The following PCDHA13 variants were observed in gnomAD, a reference collection of about 807,000 sequenced individuals.
The protein encoded by PCDHA13 is protocadherin alpha-13.
In PCDHA13, 54 loss-of-function variants were observed where a neutral mutation model predicts 64.8. That is an observed-to-expected ratio of 0.83 (90% CI 0.67 to 1.04). The LOEUF is 1.04. Among genes scored for constraint, PCDHA13 ranks in the 50% least tolerant of loss-of-function variants. The pLI is 0.00. For missense variants in PCDHA13, 1,248 were observed against 1,254.3 expected, an observed-to-expected ratio of 0.99 and a Z score of 0.08; for synonymous variants, 587 against 564.4, an observed-to-expected ratio of 1.04 and a Z score of -0.57.
At position 141,010,400 on chromosome 5, in the gene PCDHA13, T is replaced by C. The variant is rs145123720; in HGVS notation, c.*463T>C. 379 of 1,297,746 alleles carry C rather than the reference T, an allele frequency of 2.9e-4. No individual in the cohort carries two copies. Among genetic ancestry groups the C allele is most frequent in the Non-Finnish European group, 3.8e-4 (370 of 966,092 alleles). 80.4% of individuals were successfully genotyped at this position (1,297,746 alleles called of 1,614,324 possible). ...CAGATATTGGCTGAGACGAGCCAGC[T>C]TAGACTAATTGGTACAAGGAAGGCA... On this transcript the variant is annotated 3_prime_UTR_variant, in exon 4 of 4. Transcript: ENST00000289272.
At chr5:140,950,389 T>C (rs269550) in intron 1 of PCDHA13, among the ~76,000 whole-genome samples, 33,984 of 151,960 alleles carry the variant, frequency 0.22, 4,900 homozygotes, top group African/African-American at 0.41. Context: ...TTGAATGATA[T>C]AGAATTCTGG....
intron 1 of PCDHA13, among the ~76,000 whole-genome samples, chr5:140,910,128 T>C (rs2074896985): frequency 6.6e-6 from 1 of 152,238 alleles, no homozygotes; most frequent in African/African-American, 2.4e-5. Flanking sequence ...GTCTGTAAAC[T>C]GGTTTAAGTC....
chr5:140,991,981 T>C (rs2097483028), intron 3 of PCDHA13, among the ~76,000 whole-genome samples: 1 of 152,008 alleles, frequency 6.6e-6, no homozygotes, highest in South Asian at 2.1e-4. Flanking sequence ...TTATTCTGCC[T>C]ACCACCCGGT....
intron 1 of PCDHA13, among the ~76,000 whole-genome samples, chr5:140,940,131 G>A (rs1443086111): frequency 7.2e-5 from 11 of 152,092 alleles, no homozygotes; most frequent in African/African-American, 2.4e-4. Context: ...ATTTCTGCTA[G>A]TGATAAACTA....
At chr5:140,907,021 C>A (rs950958374) in intron 1 of PCDHA13, among the ~76,000 whole-genome samples, 1 of 152,168 alleles carries the variant, frequency 6.6e-6, no homozygotes, top group Non-Finnish European at 1.5e-5. Flanking sequence ...TCTAGGCCAG[C>A]AGAACATAAT....
In PCDHA13 at chr5:140,972,316, G is replaced by GT. The variant is rs112435719; in HGVS notation, c.2395-6621dup. On this transcript the variant is annotated intron_variant, in intron 1 of 3. Coordinates refer to ENST00000289272, the MANE Select transcript of PCDHA13 (RefSeq NM_018904.3). ...CACCGTGTCTGACTAGTTTTTAGGT[G>GT]TTTTTTTTTTTTGGAAGAGATGGGG... 6.7e-3 allele frequency among the ~76,000 whole-genome samples: 929 copies of GT among 139,652 alleles called. 6 individuals carry two copies. The highest frequency in any genetic ancestry group is 0.017 in the African/African-American group (645 of 38,294). The allele number at this position is 139,652 out of a possible 152,430, so 91.6% of individuals were successfully genotyped here.
chr5:141,006,177 AAG>A (rs2098258661), intron 3 of PCDHA13, among the ~76,000 whole-genome samples: 2 of 151,826 alleles, frequency 1.3e-5, no homozygotes, highest in African/African-American at 4.8e-5. Context: ...ATATTTTTAA[AAG>A]AGTTTGCTAT....
chr5:140,970,427 GGTGTTA>G (rs1442614278), intron 1 of PCDHA13, among the ~76,000 whole-genome samples: 6 of 152,192 alleles, frequency 3.9e-5, no homozygotes, highest in Admixed American at 3.3e-4. Context: ...TGTAGAGGCA[GGTGTTA>G]GTATATGCAC....
At chr5:140,954,076 C>T (rs941125208) in intron 1 of PCDHA13, among the ~76,000 whole-genome samples, 4 of 152,150 alleles carry the variant, frequency 2.6e-5, no homozygotes, top group Non-Finnish European at 2.9e-5. Context: ...AGGATAATGG[C>T]TTCCAGCTCC....
rs1256665914 is a variant in PCDHA13 at position 140,917,331 on chromosome 5, G to A, written c.2394+32669G>A. On this transcript the variant is annotated intron_variant, in intron 1 of 3. Transcript: ENST00000289272. ...AATTTGGTGTTCATGTGGCGGGGGA[G>A]GGGGGGGATGGTGTAGGCTTCTGTT... Among the ~76,000 whole-genome samples the A allele has an allele frequency of 5.8e-5, 8 of 137,654 alleles. 1 individual carries two copies. The East Asian group carries it at 6.7e-4, about 12-fold the overall frequency. 90.3% of individuals were successfully genotyped at this position (137,654 alleles called of 152,430 possible).
chr5:140,969,450 G>GTA (rs782343162), intron 1 of PCDHA13: 4 of 1,511,552 alleles, frequency 2.6e-6, no homozygotes, highest in Non-Finnish European at 3.6e-6. Flanking sequence ...GGTAAACTGA[G>GTA]TATATATAGT....
intron 3 of PCDHA13, among the ~76,000 whole-genome samples, chr5:140,995,219 GT>G (rs1554254532): frequency 6.6e-6 from 1 of 152,072 alleles, no homozygotes; most frequent in East Asian, 1.9e-4. Flanking sequence ...CAATACTCTT[GT>G]GCTTTGGGGC....
intron 1 of PCDHA13, chr5:140,926,643 G>A (rs1292255848): frequency 4.9e-5 from 22 of 452,632 alleles, no homozygotes; most frequent in African/African-American, 3.9e-4. Flanking sequence ...CTCAACACCC[G>A]GCCGGCTCCG....
chr5:140,946,631 T>TATATATATATATATATATAC lies in PCDHA13; in HGVS notation c.2395-32317_2395-32316insTATATATATATATATATACA, dbSNP rs57893927. ...TGTGAAATATATATATATATATATA[T>TATATATATATATATATATAC]ACAATGGAATACTCATCAGCCATTA... On this transcript the variant is annotated intron_variant, in intron 1 of 3. Transcript: ENST00000289272. Among the ~76,000 whole-genome samples, 543 of 131,742 alleles carry TATATATATATATATATATAC rather than the reference T, an allele frequency of 4.1e-3. 35 individuals are homozygous for TATATATATATATATATATAC. Among genetic ancestry groups the TATATATATATATATATATAC allele is most frequent in the African/African-American group, 0.018 (501 of 28,614 alleles). The allele number at this position is 131,742 out of a possible 152,430, so 86.4% of individuals were successfully genotyped here.
chr5:140,911,445 A>C (rs1327839733), intron 1 of PCDHA13, among the ~76,000 whole-genome samples: 1 of 152,184 alleles, frequency 6.6e-6, no homozygotes, highest in Non-Finnish European at 1.5e-5. Context: ...CCGCAATTTC[A>C]GCTCTTTCTC....
chr5:140,967,226 C>T, intron 1 of PCDHA13: 1 of 1,613,746 alleles, frequency 6.2e-7, no homozygotes, highest in Non-Finnish European at 8.5e-7. Flanking sequence ...GCCCAACTAC[C>T]AGCTTCAGGT....
At chr5:140,952,993 C>G (rs1273513255) in intron 1 of PCDHA13, among the ~76,000 whole-genome samples, 1 of 152,106 alleles carries the variant, frequency 6.6e-6, no homozygotes, top group Non-Finnish European at 1.5e-5. Flanking sequence ...CTCATGAGAA[C>G]TCTCTCACTA....
In PCDHA13 at chr5:140,883,463, T is replaced by C. The variant is rs1028584234; in HGVS notation, c.1195T>C (p.Ser399Pro). Residue 399 changes from serine to proline, a missense_variant, in exon 1 of 4, where the codon TCC (serine) becomes CCC (proline). Ser to Pro is a moderately conservative substitution (Grantham distance 74). Transcript: ENST00000289272. The part of the protein sequence containing the change: ...LTPHVPFKLV[S>P]TYKNYYSLVL... ...GCCGCATGTCCCCTTCAAGCTGGTGTCCACCTACAAGAACTACTACTCATT... is the reference window on the plus strand; with the variant it reads ...GCCGCATGTCCCCTTCAAGCTGGTGCCCACCTACAAGAACTACTACTCATT... 44 of 1,614,040 alleles carry C rather than the reference T, an allele frequency of 2.7e-5. No individual in the cohort carries two copies. Among genetic ancestry groups the C allele is most frequent in the Non-Finnish European group, 3.6e-5 (42 of 1,180,048 alleles).
chr5:140,929,484 T>C, intron 1 of PCDHA13: 1 of 1,156,262 alleles, frequency 8.6e-7, no homozygotes, highest in Non-Finnish European at 1.2e-6. Context: ...AGTATAGAAG[T>C]ATTAGAAGAT....
Sources: gnomAD v4.1 joint callset for allele counts (sites outside exome capture counted in the v4.1 genomes callset) on GRCh38, gnomAD v4.1.1 for gene constraint, MANE v1.5 for transcripts, NCBI Gene and HGNC (gene_info 2026-07-23, HGNC 2026-07-21) for gene names.